The following TIA1 variants were observed in gnomAD, a reference collection of about 807,000 sequenced individuals.
The protein encoded by TIA1 is TIA1 cytotoxic granule associated RNA binding protein.
TIA1 carries 23 observed loss-of-function variants against 65.9 expected under a neutral mutation model. That is an observed-to-expected ratio of 0.35 (90% CI 0.25 to 0.49). The LOEUF (loss-of-function observed/expected upper bound fraction) is 0.49. Ranked by LOEUF, TIA1 falls within the 20% of genes least tolerant of loss-of-function variation. The probability of loss-of-function intolerance (pLI) is 0.98; values close to 1 mark genes in which losing one functional copy is unlikely to be tolerated. For missense variants in TIA1, 371 were observed against 477.9 expected (o/e 0.78, Z 2.09); for synonymous variants, 147 against 149.4 (o/e 0.98, Z 0.12).
chr2:70,248,474 C>T lies in TIA1; in HGVS notation c.-44G>A, dbSNP rs1487524023. The T allele has an allele frequency of 1.2e-5, 20 of 1,600,622 alleles. No individual in the cohort carries two copies. The highest frequency in any genetic ancestry group is 2.7e-5 in the African/African-American group (2 of 74,908). ...GGCGCCTCCAGGTCCAGCTCCCTGC[C>T]CTTCACTACCTCCCAAATCGTTTAA... On this transcript the variant is annotated 5_prime_UTR_variant, in exon 1 of 13. Coordinates refer to ENST00000433529, the MANE Select transcript of TIA1 (RefSeq NM_022173.4).
rs1221605094 is a variant in TIA1 at position 70,216,866 on chromosome 2, T to C, written c.583+20A>G. ...TTTCTCCAAAATTCCACATTTCCTTTTCTTCTCCAATACACCTACACTCAT... is the reference window on the plus strand; with the variant it reads ...TTTCTCCAAAATTCCACATTTCCTTCTCTTCTCCAATACACCTACACTCAT... On this transcript the variant is annotated intron_variant, in intron 8 of 12. Transcript: ENST00000433529. The C allele has an allele frequency of 6.2e-7, 1 of 1,614,086 alleles. No homozygotes were observed. The highest frequency in any genetic ancestry group is 1.7e-5 in the Admixed American group (1 of 60,022).
chr2:70,239,372 G>A (rs1043086901), intron 1 of TIA1, among the ~76,000 whole-genome samples: 1 of 152,090 alleles, frequency 6.6e-6, no homozygotes, highest in Non-Finnish European at 1.5e-5. Context: ...GATTACAGGC[G>A]TGAGCCACTG....
intron 7 of TIA1, among the ~76,000 whole-genome samples, chr2:70,217,397 T>A (rs925842648): frequency 2.2e-5 from 3 of 135,370 alleles, no homozygotes; most frequent in Admixed American, 7.2e-5. Context: ...GTCTCGAACT[T>A]CTTCTTCTTT....
At chr2:70,247,847 A>G (rs1341282673) in intron 1 of TIA1, among the ~76,000 whole-genome samples, 3 of 152,204 alleles carry the variant, frequency 2.0e-5, no homozygotes, top group Non-Finnish European at 2.9e-5. Flanking sequence ...AGGTTAAAGA[A>G]AAATGCTTGG....
chr2:70,228,620 C>A (rs1446609505), intron 5 of TIA1: 2 of 985,220 alleles, frequency 2.0e-6, no homozygotes, highest in Non-Finnish European at 2.4e-6. Flanking sequence ...TGGACCAACA[C>A]TTTAAAATGG....
intron 7 of TIA1, among the ~76,000 whole-genome samples, chr2:70,217,401 CTTCTTTTT>C (rs942607617): frequency 7.4e-6 from 1 of 134,778 alleles, no homozygotes; most frequent in African/African-American, 2.6e-5. Context: ...CGAACTTCTT[CTTCTTTTT>C]TTTTTCTTTT....
At chr2:70,241,522 G>C (rs1165286314) in intron 1 of TIA1, among the ~76,000 whole-genome samples, 3 of 152,186 alleles carry the variant, frequency 2.0e-5, no homozygotes, top group Non-Finnish European at 1.5e-5. Flanking sequence ...CTCCCTCCAG[G>C]AAGTGTAACT....
chr2:70,213,705 GCA>G (rs1359499219), intron 12 of TIA1, among the ~76,000 whole-genome samples: 1 of 151,032 alleles, frequency 6.6e-6, no homozygotes, highest in Non-Finnish European at 1.5e-5. Context: ...AGGCTGGAGT[GCA>G]GTGGTGTAGT....
rs1472116458 is a variant in TIA1 at position 70,209,968 on chromosome 2, C to T, written c.*2751G>A. On this transcript the variant is annotated 3_prime_UTR_variant, in exon 13 of 13. Transcript: ENST00000433529. ...GGACAAAACAGGAGGAAAATAAAGA[C>T]TAGAATGTGAATCTCATTTTCAACA... The T allele has an allele frequency of 5.5e-6, 2 of 363,874 alleles. No individual in the cohort carries two copies. Among genetic ancestry groups the T allele is most frequent in the Non-Finnish European group, 9.8e-6 (2 of 204,458 alleles). The allele number at this position is 363,874 out of a possible 1,614,324, so 22.5% of individuals were successfully genotyped here. A position where few individuals can be genotyped will look rare whatever the true frequency, so the allele number is the denominator to read the frequency against.
intron 5 of TIA1, chr2:70,228,782 A>T: frequency 3.0e-6 from 4 of 1,337,408 alleles, no homozygotes; most frequent in Non-Finnish European, 3.8e-6. Flanking sequence ...CCAAATGGTG[A>T]CCTCAAGAAA....
chr2:70,220,510 C>G (rs949676543), intron 7 of TIA1, among the ~76,000 whole-genome samples: 6 of 151,990 alleles, frequency 3.9e-5, no homozygotes, highest in African/African-American at 1.2e-4. Context: ...CCAATGAATG[C>G]CAAGAATTAC....
intron 2 of TIA1, among the ~76,000 whole-genome samples, chr2:70,233,367 T>TA (rs989178755): frequency 6.6e-5 from 10 of 152,266 alleles, no homozygotes; most frequent in African/African-American, 2.2e-4. Context: ...ATATTTTGTC[T>TA]AAAAAAATTA....
At chr2:70,215,217 GAAACACCATTCTGGAACTATAATACA>G in intron 11 of TIA1, 128 bp downstream of exon 11, 2 of 933,684 alleles carry the variant, frequency 2.1e-6, no homozygotes, top group Non-Finnish European at 3.2e-6. Context: ...TGCAATCCAT[GAAACACCATTCTGGAACTATAATACA>G]TGTAGGAAGA....
In TIA1 at chr2:70,224,648, A is replaced by C; in HGVS notation, c.399-19T>G. 6.2e-7 allele frequency: 1 copy of C among 1,612,800 alleles called. No homozygotes were observed. Among genetic ancestry groups the C allele is most frequent in the Non-Finnish European group, 8.5e-7 (1 of 1,179,408 alleles). On this transcript the variant is annotated intron_variant, in intron 6 of 12. Coordinates refer to ENST00000433529, the MANE Select transcript of TIA1 (RefSeq NM_022173.4). ...GGCATCTCTGAAATCAGAAACAATC[A>C]GAAGTTTAGGTTTGCAAACTATCCT...
At position 70,248,534 on chromosome 2, in the gene TIA1, C is replaced by G. The variant is rs746667436; in HGVS notation, c.-104G>C. ...GCTACAGGATAGTGGGGTTTCTCGG[C>G]TGACCAGAGGTTACTCCGCCTCCTC... On this transcript the variant is annotated 5_prime_UTR_variant, in exon 1 of 13. Transcript: ENST00000433529. The G allele has an allele frequency of 3.8e-6, 6 of 1,559,756 alleles. No homozygotes were observed. The East Asian group carries it at 6.9e-5, about 18-fold the overall frequency.
At chr2:70,225,210 G>A (rs1304663901) in intron 6 of TIA1, 3 of 1,083,502 alleles carry the variant, frequency 2.8e-6, no homozygotes, top group Non-Finnish European at 3.4e-6. Flanking sequence ...CAAGTTTTAA[G>A]CTAGACAAGA....
At chr2:70,223,340 A>G (rs1682353245) in intron 7 of TIA1, among the ~76,000 whole-genome samples, 1 of 152,110 alleles carries the variant, frequency 6.6e-6, no homozygotes, top group African/African-American at 2.4e-5. Flanking sequence ...CTCATCTTAC[A>G]GGAAAAAAAA....
intron 1 of TIA1, among the ~76,000 whole-genome samples, chr2:70,244,126 G>A (rs2104755011): frequency 6.6e-6 from 1 of 152,224 alleles, no homozygotes; most frequent in East Asian, 1.9e-4. Flanking sequence ...TAACCAACCA[G>A]CATGACCTGC....
chr2:70,222,011 C>A (rs559678623), intron 7 of TIA1, among the ~76,000 whole-genome samples: 20 of 152,126 alleles, frequency 1.3e-4, no homozygotes, highest in Non-Finnish European at 2.4e-4. Context: ...AATTCCTAGG[C>A]TCAAGTAATC....
Sources: allele counts gnomAD v4.1 joint callset (sites outside exome capture counted in the v4.1 genomes callset), GRCh38; gene constraint gnomAD v4.1.1; transcripts MANE v1.5; gene names NCBI Gene and HGNC (gene_info 2026-07-23, HGNC 2026-07-21).